The following CERS3 variants were observed in gnomAD, a reference collection of about 807,000 sequenced individuals.
CERS3 encodes the protein LAG1 homolog, ceramide synthase 3.
Under a neutral mutation model 50.3 loss-of-function variants are expected in CERS3, and 33 were observed. The observed-to-expected ratio is 0.66, with a 90% CI of 0.50 to 0.88. The LOEUF (loss-of-function observed/expected upper bound fraction) is 0.88, where lower values mean the gene tolerates loss of function less well. Among genes scored for constraint, CERS3 ranks in the 40% least tolerant of loss-of-function variants. The pLI, the probability that CERS3 is intolerant of heterozygous loss-of-function variation, is 0.00. For synonymous variants in CERS3, 176 were observed against 155.2 expected (o/e 1.13, Z -0.99); for missense variants, 470 against 460.3 (o/e 1.02, Z -0.19).
chr15:100,416,854 A>G (rs1042609108), intron 11 of CERS3, among the ~76,000 whole-genome samples: 1 of 152,224 alleles, frequency 6.6e-6, no homozygotes, highest in African/African-American at 2.4e-5. Context: ...TCCAAAATCT[A>G]TAAGGATTCT....
chr15:100,502,698 G>A (rs1268912638), intron 2 of CERS3, among the ~76,000 whole-genome samples: 1 of 152,152 alleles, frequency 6.6e-6, no homozygotes, highest in Non-Finnish European at 1.5e-5. Flanking sequence ...GCCGTGCTGA[G>A]CACTGAGGAT....
chr15:100,417,373 C>T lies in CERS3; in HGVS notation c.1000-14508G>A, dbSNP rs756066280. 2.1e-4 allele frequency among the ~76,000 whole-genome samples: 32 copies of T among 152,212 alleles called. 1 individual carries two copies. The highest frequency in any genetic ancestry group is 6.5e-4 in the African/African-American group (27 of 41,480). ...CCACCCTAATACTGCGCTTTTCCGACGGGCTTAAAAAATGGCGCACCACGA... is the reference window on the plus strand; with the variant it reads ...CCACCCTAATACTGCGCTTTTCCGATGGGCTTAAAAAATGGCGCACCACGA... On this transcript the variant is annotated intron_variant, in intron 11 of 11. Transcript: ENST00000679737.
chr15:100,421,613 C>G (rs1367428800), intron 11 of CERS3, among the ~76,000 whole-genome samples: 1 of 149,154 alleles, frequency 6.7e-6, no homozygotes, highest in East Asian at 2.0e-4. Flanking sequence ...CAAAAAAGAG[C>G]CCGCATCGCC....
chr15:100,503,995 G>A, intron 2 of CERS3: 1 of 310,582 alleles, frequency 3.2e-6, no homozygotes, highest in South Asian at 2.6e-5. Flanking sequence ...TAGATCAGAG[G>A]GTAGGATACA....
At chr15:100,538,178 C>A (rs1460228756) in intron 1 of CERS3, among the ~76,000 whole-genome samples, 2 of 152,192 alleles carry the variant, frequency 1.3e-5, no homozygotes, top group African/African-American at 4.8e-5. Context: ...AGGGTACAGC[C>A]CTGCTCCCAG....
intron 10 of CERS3, among the ~76,000 whole-genome samples, chr15:100,458,014 GTACAT>G (rs66781276): frequency 0.5 from 75,834 of 151,436 alleles, 19,419 homozygotes; most frequent in Non-Finnish European, 0.56. Flanking sequence ...GTTTTAAGGT[GTACAT>G]TAAAGATATT....
At position 100,402,600 on chromosome 15, in the gene CERS3, G is replaced by A. The variant is rs2030630111; in HGVS notation, c.*113C>T. ...AAACACATCTTAGGTGGGAGGGAAG[G>A]CGGTGGTGAGAAAGAGGGAAGGGCA... On this transcript the variant is annotated 3_prime_UTR_variant, in exon 12 of 12. Transcript: ENST00000679737. The A allele has an allele frequency of 1.5e-5, 15 of 993,454 alleles. No individual in the cohort carries two copies. Among genetic ancestry groups the A allele is most frequent in the Non-Finnish European group, 2.2e-5 (15 of 676,808 alleles). The allele number at this position is 993,454 out of a possible 1,614,324, so 61.5% of individuals were successfully genotyped here.
At chr15:100,434,239 T>C (rs1356046929) in intron 11 of CERS3, among the ~76,000 whole-genome samples, 1 of 152,224 alleles carries the variant, frequency 6.6e-6, no homozygotes, top group African/African-American at 2.4e-5. Context: ...AGCTCAGGCA[T>C]CCAGGTCATT....
chr15:100,443,761 G>T (rs532253915), intron 11 of CERS3, among the ~76,000 whole-genome samples: 3 of 151,848 alleles, frequency 2.0e-5, no homozygotes, highest in Non-Finnish European at 4.4e-5. Context: ...TCTCCCTGCC[G>T]ATAGTGTCCG....
chr15:100,503,563 C>G (rs969821589), intron 2 of CERS3: 1 of 369,398 alleles, frequency 2.7e-6, no homozygotes, highest in Non-Finnish European at 5.6e-6. Context: ...GTAGCCAGCT[C>G]CTCTGTGAGC....
chr15:100,523,147 C>G (rs1236201898), intron 1 of CERS3, among the ~76,000 whole-genome samples: 1 of 152,188 alleles, frequency 6.6e-6, no homozygotes, highest in East Asian at 1.9e-4. Flanking sequence ...CCTGTTCAAA[C>G]CTCTTGCCCA....
intron 7 of CERS3, among the ~76,000 whole-genome samples, chr15:100,477,351 A>T (rs572269084): frequency 6.6e-6 from 1 of 151,858 alleles, no homozygotes; most frequent in African/African-American, 2.4e-5. Context: ...TTTTTGGTCA[A>T]CTCCTCATCC....
intron 10 of CERS3, among the ~76,000 whole-genome samples, chr15:100,468,458 G>C (rs1383699076): frequency 6.6e-6 from 1 of 152,172 alleles, no homozygotes; most frequent in Non-Finnish European, 1.5e-5. Flanking sequence ...TGGCTTCCAG[G>C]AAAGGGCATT....
At chr15:100,467,528 G>A (rs1370184554) in intron 10 of CERS3, among the ~76,000 whole-genome samples, 1 of 151,720 alleles carries the variant, frequency 6.6e-6, no homozygotes, top group African/African-American at 2.4e-5. Flanking sequence ...TATATTCTCT[G>A]GCCTTTTAAA....
intron 11 of CERS3, among the ~76,000 whole-genome samples, chr15:100,407,299 C>A (rs1021672102): frequency 2.0e-5 from 3 of 152,228 alleles, no homozygotes; most frequent in Non-Finnish European, 4.4e-5. Context: ...CAACCACACA[C>A]CCTCCAGCTG....
At chr15:100,494,975 T>C (rs183160536) in intron 3 of CERS3, among the ~76,000 whole-genome samples, 1 of 152,382 alleles carries the variant, frequency 6.6e-6, no homozygotes, top group African/African-American at 2.4e-5. Flanking sequence ...TTTGCCCTAA[T>C]TGTTATCCAC....
chr15:100,443,596 C>T (rs538829984), intron 11 of CERS3, among the ~76,000 whole-genome samples: 1 of 149,518 alleles, frequency 6.7e-6, no homozygotes, highest in East Asian at 2.0e-4. Flanking sequence ...TTTTCACTTT[C>T]ACTTGGACTG....
At chr15:100,469,311 G>A (rs1567641278) in intron 10 of CERS3, 67 bp downstream of exon 10, 2 of 1,174,056 alleles carry the variant, frequency 1.7e-6, no homozygotes, top group South Asian at 1.2e-5. Flanking sequence ...ATGCCCTGAG[G>A]GTAACCATGC....
At chr15:100,543,057 G>A (rs1181719254) in intron 1 of CERS3, among the ~76,000 whole-genome samples, 2 of 152,038 alleles carry the variant, frequency 1.3e-5, no homozygotes, top group Non-Finnish European at 2.9e-5. Context: ...GGGATTATAG[G>A]TGCCCACCAC....
Sources: allele counts gnomAD v4.1 joint callset (sites outside exome capture counted in the v4.1 genomes callset), GRCh38; gene constraint gnomAD v4.1.1; transcripts MANE v1.5; gene names NCBI Gene and HGNC (gene_info 2026-07-23, HGNC 2026-07-21).